The following LRP1B variants were observed in gnomAD, a reference collection of about 807,000 sequenced individuals.
LRP1B encodes low-density lipoprotein receptor-related protein 1B.
A neutral mutation model predicts 556.6 loss-of-function variants in LRP1B; 217 were observed. That is an observed-to-expected ratio of 0.39 (90% confidence interval 0.35 to 0.44). The LOEUF (loss-of-function observed/expected upper bound fraction) is 0.44. LRP1B is among the 20% of genes least tolerant of loss of function. LRP1B has a pLI of 1.00. For synonymous variants in LRP1B, 2,047 were observed against 1,865.8 expected, an observed-to-expected ratio of 1.10 and a Z score of -2.50; for missense variants, 5,053 against 5,620.8, an observed-to-expected ratio of 0.90 and a Z score of 3.23.
chr2:140,377,549 G>A lies in LRP1B; in HGVS notation c.10638+631C>T, dbSNP rs1049187318. On this transcript the variant is annotated intron_variant, in intron 68 of 90. Coordinates refer to ENST00000389484, the MANE Select transcript of LRP1B (RefSeq NM_018557.3). Reference sequence around the variant, plus strand: ...TTTATTATTTTTAAAGCATCATGGAGTAATTAATATCTGAAACATAAGGAC... The same window carrying A: ...TTTATTATTTTTAAAGCATCATGGAATAATTAATATCTGAAACATAAGGAC... Among the ~76,000 whole-genome samples, 7 of 152,204 alleles carry A rather than the reference G, an allele frequency of 4.6e-5. No homozygotes were observed. In the East Asian group the frequency reaches 1.2e-3, roughly 25 times the overall value.
chr2:141,045,451 A>T (rs1448908449), intron 11 of LRP1B, among the ~76,000 whole-genome samples: 6 of 6,188 alleles, frequency 9.7e-4, no homozygotes, highest in Non-Finnish European at 2.8e-3. Context: ...TTAATTAATT[A>T]AAAAAAAAAG....
chr2:142,082,616 C>CTTAACAACTGCTGTG (rs1223121896), intron 1 of LRP1B, among the ~76,000 whole-genome samples: 2 of 152,198 alleles, frequency 1.3e-5, no homozygotes, highest in African/African-American at 4.8e-5. Flanking sequence ...TTAAGAGCAG[C>CTTAACAACTGCTGTG]TGCTGAGGAA....
At chr2:140,855,258 C>T (rs1163464033) in intron 27 of LRP1B, among the ~76,000 whole-genome samples, 2 of 151,330 alleles carry the variant, frequency 1.3e-5, no homozygotes, top group Admixed American at 6.6e-5. Flanking sequence ...TTCTCCATTT[C>T]CTGCATGGAT....
chr2:140,338,604 A>G (rs994130784), intron 77 of LRP1B, among the ~76,000 whole-genome samples: 1 of 151,744 alleles, frequency 6.6e-6, no homozygotes, highest in African/African-American at 2.4e-5. Context: ...CTGATATTGA[A>G]TGGATGTTCA....
At chr2:141,929,454 AT>A (rs66899966) in intron 1 of LRP1B, among the ~76,000 whole-genome samples, 29 of 151,368 alleles carry the variant, frequency 1.9e-4, no homozygotes, top group Admixed American at 1.4e-3. Context: ...CATGCAAATG[AT>A]TTTTTTTTCA....
At chr2:141,299,938 C>A (rs186284454) in intron 3 of LRP1B, among the ~76,000 whole-genome samples, 174 of 152,232 alleles carry the variant, frequency 1.1e-3, no homozygotes, top group Non-Finnish European at 1.9e-3. Flanking sequence ...GAAATCCTAA[C>A]CTCCAATATG....
intron 1 of LRP1B, among the ~76,000 whole-genome samples, chr2:141,952,874 A>G (rs997919047): frequency 5.9e-5 from 9 of 152,136 alleles, no homozygotes; most frequent in African/African-American, 2.2e-4. Context: ...TTCATGCTAT[A>G]AAGTAACACT....
chr2:140,432,023 A>AT (rs1469068540), intron 66 of LRP1B, among the ~76,000 whole-genome samples: 1 of 152,146 alleles, frequency 6.6e-6, no homozygotes, highest in Non-Finnish European at 1.5e-5. Flanking sequence ...CTAAGCTATC[A>AT]TATCCCCTGT....
chr2:141,068,461 G>A (rs1438799944), intron 7 of LRP1B, among the ~76,000 whole-genome samples: 1 of 150,336 alleles, frequency 6.7e-6, no homozygotes, highest in Non-Finnish European at 1.5e-5. Context: ...CATAGTGCAA[G>A]AGAAAGCCGG....
intron 2 of LRP1B, among the ~76,000 whole-genome samples, chr2:141,493,286 A>ATTTTTT (rs1322558269): frequency 6.6e-6 from 1 of 152,156 alleles, no homozygotes; most frequent in Non-Finnish European, 1.5e-5. Context: ...CTAATTATGT[A>ATTTTTT]TCTTTTTCTG....
chr2:141,688,114 C>A (rs1469882765), intron 2 of LRP1B, among the ~76,000 whole-genome samples: 2 of 151,484 alleles, frequency 1.3e-5, no homozygotes, highest in Non-Finnish European at 2.9e-5. Flanking sequence ...TAGGATTATA[C>A]AAATTAGAAC....
At chr2:141,689,179 CA>C (rs1309869752) in intron 2 of LRP1B, among the ~76,000 whole-genome samples, 1 of 151,792 alleles carries the variant, frequency 6.6e-6, no homozygotes, top group African/African-American at 2.4e-5. Context: ...ATGTCTTGTA[CA>C]AATAAAATTA....
chr2:140,698,061 G>GT (rs561793708), intron 41 of LRP1B, among the ~76,000 whole-genome samples: 86 of 146,462 alleles, frequency 5.9e-4, no homozygotes, highest in East Asian at 1.8e-3. Flanking sequence ...AAATAAAATG[G>GT]TTTTTTTTTT....
intron 7 of LRP1B, among the ~76,000 whole-genome samples, chr2:141,119,298 T>C (rs1700984404): frequency 6.6e-6 from 1 of 151,926 alleles, no homozygotes; most frequent in African/African-American, 2.4e-5. Context: ...GTCTTAGGGC[T>C]TTTCCAAATC....
chr2:140,701,507 T>C (rs1686640125), intron 40 of LRP1B, among the ~76,000 whole-genome samples: 1 of 152,152 alleles, frequency 6.6e-6, no homozygotes, highest in South Asian at 2.1e-4. Flanking sequence ...CATGTCCATG[T>C]ACCTGTGCTG....
chr2:141,310,873 T>C (rs1318229686), intron 3 of LRP1B, among the ~76,000 whole-genome samples: 6 of 152,176 alleles, frequency 3.9e-5, no homozygotes, highest in Non-Finnish European at 2.9e-5. Flanking sequence ...TTCCAGCCTT[T>C]TCTCTATCTA....
chr2:141,805,107 C>G (rs1696128864), intron 2 of LRP1B, among the ~76,000 whole-genome samples: 1 of 152,102 alleles, frequency 6.6e-6, no homozygotes, highest in Admixed American at 6.6e-5. Flanking sequence ...ATAACCCATT[C>G]TGGTGAAAGA....
intron 27 of LRP1B, among the ~76,000 whole-genome samples, chr2:140,852,595 T>C (rs1692493147): frequency 6.6e-6 from 1 of 152,162 alleles, no homozygotes; most frequent in African/African-American, 2.4e-5. Context: ...ATGAGGCCTA[T>C]GTGAAGAAAT....
At chr2:140,849,576 C>T (rs1055275461) in intron 29 of LRP1B, among the ~76,000 whole-genome samples, 2 of 151,444 alleles carry the variant, frequency 1.3e-5, no homozygotes, top group Admixed American at 6.6e-5. Flanking sequence ...TTTTGCTCTT[C>T]TTGCCCATGC....
Sources: allele counts gnomAD v4.1 joint callset (sites outside exome capture counted in the v4.1 genomes callset), GRCh38; gene constraint gnomAD v4.1.1; transcripts MANE v1.5; gene names NCBI Gene and HGNC (gene_info 2026-07-23, HGNC 2026-07-21).